CNTN5: variants seen among roughly 807,000 people sequenced by gnomAD.
The protein encoded by CNTN5 is contactin-5.
A neutral mutation model predicts 129.1 loss-of-function variants in CNTN5; 77 were observed. The ratio of observed to expected loss-of-function variants is 0.60; its 90% CI spans 0.50 to 0.72. The LOEUF is 0.72. CNTN5 is among the 30% of genes least tolerant of loss of function. The pLI, the probability that CNTN5 is intolerant of heterozygous loss-of-function variation, is 0.00. For synonymous variants in CNTN5, 509 were observed against 465.6 expected, an observed-to-expected ratio of 1.09 and a Z score of -1.20; for missense variants, 1,478 against 1,328.8, an observed-to-expected ratio of 1.11 and a Z score of -1.75.
At chr11:100,222,229 C>G (rs1016032514) in intron 15 of CNTN5, among the ~76,000 whole-genome samples, 2 of 152,136 alleles carry the variant, frequency 1.3e-5, no homozygotes, top group African/African-American at 4.8e-5. Context: ...AGCTATGCCA[C>G]AGGCTGTAGA....
intron 6 of CNTN5, among the ~76,000 whole-genome samples, chr11:99,910,062 C>T (rs191084866): frequency 2.4e-4 from 37 of 152,174 alleles, no homozygotes; most frequent in Admixed American, 8.5e-4. Flanking sequence ...CCAAGAGTAT[C>T]ATAATAGCTC....
At chr11:99,317,492 G>A (rs1323732574) in intron 1 of CNTN5, among the ~76,000 whole-genome samples, 3 of 152,018 alleles carry the variant, frequency 2.0e-5, no homozygotes, top group South Asian at 2.1e-4. Flanking sequence ...GAGTTCAGAC[G>A]ATAAAGGGTG....
At chr11:99,684,841 T>C (rs1246468734) in intron 3 of CNTN5, among the ~76,000 whole-genome samples, 1 of 151,748 alleles carries the variant, frequency 6.6e-6, no homozygotes, top group South Asian at 2.1e-4. Flanking sequence ...TATCTTCTCT[T>C]TCTCTTTTTT....
chr11:99,705,909 C>A (rs147991840), intron 3 of CNTN5, among the ~76,000 whole-genome samples: 2 of 151,570 alleles, frequency 1.3e-5, no homozygotes, highest in East Asian at 3.9e-4. Flanking sequence ...ACTAGAATAA[C>A]AGAAAACTAC....
intron 1 of CNTN5, among the ~76,000 whole-genome samples, chr11:99,262,447 C>T (rs1272434853): frequency 6.6e-6 from 1 of 151,968 alleles, no homozygotes; most frequent in Admixed American, 6.6e-5. Flanking sequence ...GGAACTTCTT[C>T]CCATTATTTA....
chr11:99,108,989 C>T (rs1353167577), intron 1 of CNTN5, among the ~76,000 whole-genome samples: 6 of 151,112 alleles, frequency 4.0e-5, no homozygotes, highest in African/African-American at 9.7e-5. Context: ...AAAAAAGGCT[C>T]ATATGTAAGT....
At chr11:99,549,221 A>G (rs1384601651) in intron 2 of CNTN5, among the ~76,000 whole-genome samples, 4 of 152,066 alleles carry the variant, frequency 2.6e-5, no homozygotes, top group Non-Finnish European at 4.4e-5. Context: ...TGTAAGTGAC[A>G]TGACTCTTGA....
chr11:99,157,686 T>G (rs1860401828), intron 1 of CNTN5, among the ~76,000 whole-genome samples: 1 of 152,182 alleles, frequency 6.6e-6, no homozygotes, highest in Non-Finnish European at 1.5e-5. Flanking sequence ...CTATGTTAAC[T>G]TTATATATCT....
chr11:99,868,496 A>C (rs1948416307), intron 6 of CNTN5, among the ~76,000 whole-genome samples: 1 of 152,224 alleles, frequency 6.6e-6, no homozygotes. Flanking sequence ...ACAAGTAGGA[A>C]AATGAGATTT....
intron 1 of CNTN5, among the ~76,000 whole-genome samples, chr11:99,264,394 A>G (rs1354036555): frequency 2.0e-5 from 3 of 152,092 alleles, no homozygotes; most frequent in South Asian, 2.1e-4. Context: ...TCTATCATAT[A>G]TAAACCTACA....
chr11:100,218,020 C>T (rs1949180417), intron 15 of CNTN5, among the ~76,000 whole-genome samples: 1 of 152,186 alleles, frequency 6.6e-6, no homozygotes, highest in African/African-American at 2.4e-5. Flanking sequence ...CACCTCCATT[C>T]TTTCAACTGA....
At chr11:99,378,670 G>C (rs934652556) in intron 2 of CNTN5, among the ~76,000 whole-genome samples, 2 of 151,944 alleles carry the variant, frequency 1.3e-5, no homozygotes, top group Admixed American at 6.6e-5. Context: ...CTCTAGAAAG[G>C]ATAAGTAAAA....
intron 3 of CNTN5, among the ~76,000 whole-genome samples, chr11:99,798,550 G>A (rs1946018951): frequency 2.0e-5 from 3 of 152,054 alleles, no homozygotes; most frequent in East Asian, 1.9e-4. Flanking sequence ...TGTTTTTGTT[G>A]ACTTTGTTGA....
chr11:99,265,896 T>C (rs569013985), intron 1 of CNTN5, among the ~76,000 whole-genome samples: 1 of 152,162 alleles, frequency 6.6e-6, no homozygotes, highest in East Asian at 1.9e-4. Flanking sequence ...AGGTATAGAA[T>C]GATAAATAGA....
chr11:99,352,205 C>G (rs1347279491), intron 2 of CNTN5, among the ~76,000 whole-genome samples: 1 of 152,158 alleles, frequency 6.6e-6, no homozygotes, highest in Non-Finnish European at 1.5e-5. Flanking sequence ...TTGTTGTTCC[C>G]ACAAAGACTG....
chr11:100,190,280 T>A lies in CNTN5; in HGVS notation c.1581-846T>A, dbSNP rs866629368. ...TCACTAAAACCACAACAGCCGTGTC[T>A]ATTATGTTTCAGGTTGCCGGAGTAG... is the stretch of plus-strand genomic sequence containing the variant. On this transcript the variant is annotated intron_variant, in intron 13 of 24. Coordinates refer to ENST00000524871, the MANE Select transcript of CNTN5 (RefSeq NM_014361.4). 7.9e-5 allele frequency among the ~76,000 whole-genome samples: 12 copies of A among 152,158 alleles called. No homozygotes were observed. The South Asian group carries it at 1.0e-3, about 13-fold the overall frequency.
At chr11:99,397,513 C>A (rs1351807638) in intron 2 of CNTN5, among the ~76,000 whole-genome samples, 1 of 147,970 alleles carries the variant, frequency 6.8e-6, no homozygotes, top group Non-Finnish European at 1.5e-5. Flanking sequence ...CATTTATTAT[C>A]TATCTATCTA....
chr11:99,060,254 A>G (rs1565284463), intron 1 of CNTN5, among the ~76,000 whole-genome samples: 2 of 152,124 alleles, frequency 1.3e-5, no homozygotes. Context: ...CTAGGCTATA[A>G]TATCAGAAAA....
intron 3 of CNTN5, among the ~76,000 whole-genome samples, chr11:99,652,829 G>A (rs956457848): frequency 7.2e-5 from 11 of 151,992 alleles, no homozygotes; most frequent in Non-Finnish European, 1.5e-4. Context: ...GTGCAGCAAA[G>A]TAGTACCTTT....
Sources: gnomAD v4.1 joint callset for allele counts (sites outside exome capture counted in the v4.1 genomes callset) on GRCh38, gnomAD v4.1.1 for gene constraint, MANE v1.5 for transcripts, NCBI Gene and HGNC (gene_info 2026-07-23, HGNC 2026-07-21) for gene names.